The following TRMT11 variants were observed in gnomAD, a reference collection of about 807,000 sequenced individuals.
The protein encoded by TRMT11 is tRNA methyltransferase 11, also known as tRNA (guanine(10)-N(2))-methyltransferase TRMT11.
TRMT11 carries 53 observed loss-of-function variants against 62.8 expected under a neutral mutation model. The ratio of observed to expected loss-of-function variants is 0.84; its 90% confidence interval spans 0.68 to 1.06. The LOEUF is 1.06. Among genes scored for constraint, TRMT11 ranks in the 50% least tolerant of loss-of-function variants. The pLI, the probability that TRMT11 is intolerant of heterozygous loss-of-function variation, is 0.00. For synonymous variants in TRMT11, 188 were observed against 190.3 expected (o/e 0.99, Z 0.10); for missense variants, 556 against 553.4 (o/e 1.00, Z -0.05).
At position 126,013,108 on chromosome 6, in the gene TRMT11, A is replaced by C. The variant is rs750648367; in HGVS notation, c.1139+7A>C. 3 of 1,592,192 alleles carry C rather than the reference A, an allele frequency of 1.9e-6. No homozygotes were observed. In the African/African-American group the frequency reaches 4.1e-5, roughly 22 times the overall value. ...TACCGGTGTATACGCCAGAGTATGT[A>C]ATCTTAATTTTATTTTTAATTTCAT... On this transcript the variant is annotated splice_region_variant and intron_variant, in intron 11 of 12. Coordinates refer to ENST00000334379, the MANE Select transcript of TRMT11 (RefSeq NM_001031712.3).
intron 17 of TRMT11, among the ~76,000 whole-genome samples, chr6:126,096,056 G>A (rs1466931285): frequency 2.0e-5 from 3 of 152,184 alleles, no homozygotes; most frequent in Admixed American, 1.3e-4. Context: ...GTTTTGTTCT[G>A]CAGAAAATGA....
the TRMT11 span, among the ~76,000 whole-genome samples, chr6:126,260,762 C>T: frequency 6.6e-6 from 1 of 152,186 alleles, no homozygotes; most frequent in African/African-American, 2.4e-5. Flanking sequence ...ACTCTCTTGG[C>T]CTGCAAGTTT....
At chr6:126,153,942 A>G (rs1017068521) in intron 21 of TRMT11, among the ~76,000 whole-genome samples, 1 of 152,146 alleles carries the variant, frequency 6.6e-6, no homozygotes, top group African/African-American at 2.4e-5. Context: ...AGGCTGGGCT[A>G]CTGTCAGTGA....
chr6:126,019,421 C>G, intron 11 of TRMT11, among the ~76,000 whole-genome samples: 1 of 152,098 alleles, frequency 6.6e-6, no homozygotes, highest in Middle Eastern at 3.4e-3. Flanking sequence ...GTGTTGGTAC[C>G]TTGGATTTGA....
At chr6:126,164,437 A>T (rs1778234593) in intron 21 of TRMT11, among the ~76,000 whole-genome samples, 1 of 152,236 alleles carries the variant, frequency 6.6e-6, no homozygotes. Flanking sequence ...GGTGCTGAGA[A>T]GAATGTATAT....
chr6:126,109,172 C>T (rs80306258), intron 17 of TRMT11, among the ~76,000 whole-genome samples: 7,112 of 152,110 alleles, frequency 0.047, 541 homozygotes, highest in African/African-American at 0.16. Flanking sequence ...TTATTGCAAT[C>T]AGAAAACTAA....
the TRMT11 span, among the ~76,000 whole-genome samples, chr6:126,210,069 A>G: frequency 6.6e-6 from 1 of 152,198 alleles, no homozygotes; most frequent in Non-Finnish European, 1.5e-5. Context: ...GTGCAGATGG[A>G]ACTTTTGAGT....
intron 21 of TRMT11, among the ~76,000 whole-genome samples, chr6:126,137,157 CT>C (rs1777860565): frequency 6.6e-6 from 1 of 151,654 alleles, no homozygotes; most frequent in Non-Finnish European, 1.5e-5. Flanking sequence ...AGCTAAAAAG[CT>C]TCTGAACAGC....
At chr6:126,182,516 C>G (rs1157452375) in intron 1 of TRMT11, among the ~76,000 whole-genome samples, 1 of 151,834 alleles carries the variant, frequency 6.6e-6, no homozygotes, top group African/African-American at 2.4e-5. Context: ...TTGAGGACCC[C>G]TTTTTGTCAT....
At position 125,998,250 on chromosome 6, in the gene TRMT11, T is replaced by C. The variant is rs1386684535; in HGVS notation, c.322T>C (p.Tyr108His). The C allele has an allele frequency of 1.2e-6, 2 of 1,600,814 alleles. No individual in the cohort carries two copies. Among genetic ancestry groups the C allele is most frequent in the Non-Finnish European group, 1.7e-6 (2 of 1,168,680 alleles). ...MVPFLHSDST[Y>H]KIKIHTFNKT... ...TCCATTTCTACATTCGGACTCTACA[T>C]ATAAAATAAAGATTCACACTTTTAA... is the stretch of plus-strand genomic sequence containing the variant. The change falls in exon 5 of 13, where the codon TAT becomes CAT. Residue 108 changes from tyrosine to histidine, a missense_variant. Transcript: ENST00000334379.
chr6:126,244,363 T>C, the TRMT11 span, among the ~76,000 whole-genome samples: 1 of 152,230 alleles, frequency 6.6e-6, no homozygotes. Context: ...GAGTTGTTTG[T>C]AAACACACAG....
intron 16 of TRMT11, among the ~76,000 whole-genome samples, chr6:126,044,498 A>G (rs1405398697): frequency 6.6e-6 from 1 of 152,110 alleles, no homozygotes; most frequent in African/African-American, 2.4e-5. Context: ...TGATGCCTCC[A>G]TTTTTCTACA....
the TRMT11 span, among the ~76,000 whole-genome samples, chr6:126,241,265 A>T: frequency 2.0e-5 from 3 of 152,286 alleles, no homozygotes; most frequent in Non-Finnish European, 4.4e-5. Context: ...AAATGCAGAA[A>T]TCATCCGTCT....
At chr6:126,019,015 G>T (rs1795408331) in intron 11 of TRMT11, among the ~76,000 whole-genome samples, 1 of 152,022 alleles carries the variant, frequency 6.6e-6, no homozygotes, top group Admixed American at 6.5e-5. Flanking sequence ...CAAGTAGCTG[G>T]GATTACAGGC....
At chr6:126,038,671 T>G (rs753278442) in intron 12 of TRMT11, 34 bp from the exon 13 acceptor site, 1 of 1,532,782 alleles carries the variant, frequency 6.5e-7, no homozygotes, top group South Asian at 1.3e-5. Flanking sequence ...ACTAAAGAAA[T>G]AATTTTTACA....
At position 126,062,989 on chromosome 6, in the gene TRMT11, T is replaced by TA. The variant is rs1776580996; in HGVS notation, c.*1437+9802dup. Among the ~76,000 whole-genome samples the TA allele has an allele frequency of 2.0e-5, 3 of 152,228 alleles. No individual in the cohort carries two copies. The South Asian group carries it at 6.2e-4, about 31-fold the overall frequency. On this transcript the variant is annotated intron_variant and NMD_transcript_variant, in intron 17 of 22. Transcript: ENST00000648977. ...TGTATCATCAGTACTCTTCAGCCAT[T>TA]AAACAATATCATAAATTAATATTTA...
At chr6:126,114,114 A>G (rs1039936551) in intron 18 of TRMT11, among the ~76,000 whole-genome samples, 2 of 152,138 alleles carry the variant, frequency 1.3e-5, no homozygotes, top group Non-Finnish European at 2.9e-5. Context: ...TGATGAAGGC[A>G]TTGTTGCATG....
At chr6:126,266,849 T>A in the TRMT11 span, among the ~76,000 whole-genome samples, 1 of 152,176 alleles carries the variant, frequency 6.6e-6, no homozygotes, top group Admixed American at 6.5e-5. Context: ...ACAGTTTTTT[T>A]ATAGTGTGAG....
chr6:126,186,218 C>A (rs1175470456), intron 1 of TRMT11, among the ~76,000 whole-genome samples: 4 of 152,108 alleles, frequency 2.6e-5, no homozygotes, highest in South Asian at 2.1e-4. Flanking sequence ...GCACAGAGGG[C>A]AGAGCATCAC....
Sources: allele counts gnomAD v4.1 joint callset (sites outside exome capture counted in the v4.1 genomes callset), GRCh38; gene constraint gnomAD v4.1.1; transcripts MANE v1.5; gene names NCBI Gene and HGNC (gene_info 2026-07-23, HGNC 2026-07-21).